CCDC85C: variants seen among roughly 807,000 people sequenced by gnomAD.
CCDC85C encodes the protein coiled-coil domain-containing protein 85C.
Under a neutral mutation model 38.3 loss-of-function variants are expected in CCDC85C, and 18 were observed. The observed-to-expected ratio is 0.47, with a 90% CI of 0.33 to 0.70. CCDC85C has a LOEUF of 0.70. Ranked by LOEUF, CCDC85C falls within the 30% of genes least tolerant of loss-of-function variation. The pLI is 0.03. For synonymous variants in CCDC85C, 264 were observed against 293.8 expected (o/e 0.90, Z 1.04); for missense variants, 566 against 621.2 (o/e 0.91, Z 0.94).
Position 99,522,129 on chromosome 14 carries a change from T to A in CCDC85C, c.975+4A>T. 6.5e-7 allele frequency: 1 copy of A among 1,548,742 alleles called. No individual in the cohort carries two copies. The highest frequency in any genetic ancestry group is 8.7e-7 in the Non-Finnish European group (1 of 1,144,886). On this transcript the variant is annotated splice_donor_region_variant and intron_variant, in intron 3 of 5. Coordinates refer to ENST00000380243, the MANE Select transcript of CCDC85C (RefSeq NM_001144995.2). ...ATGTGGGCTTTTTTGGGGTGCACACTCACGTTCTGCAGGGAGTCCTGGTAG... is the reference window on the plus strand; with the variant it reads ...ATGTGGGCTTTTTTGGGGTGCACACACACGTTCTGCAGGGAGTCCTGGTAG...
chr14:99,587,766 G>A (rs936920591), intron 1 of CCDC85C, among the ~76,000 whole-genome samples: 7 of 152,152 alleles, frequency 4.6e-5, no homozygotes, highest in African/African-American at 7.2e-5. Flanking sequence ...GGACCCCTGT[G>A]CCCCCTTACT....
rs1897004053 is a variant in CCDC85C, at chr14:99,507,471, G to A, written c.*7775C>T. On this transcript the variant is annotated 3_prime_UTR_variant, in exon 6 of 6. Coordinates refer to ENST00000380243, the MANE Select transcript of CCDC85C (RefSeq NM_001144995.2). Reference sequence around the variant, plus strand: ...TCCCAACTACTTAGGAGTCTGAGATGGGAAGATCATTTGAGCCCTGGGCAG... The same window carrying A: ...TCCCAACTACTTAGGAGTCTGAGATAGGAAGATCATTTGAGCCCTGGGCAG... 1 of 296,840 alleles carries A rather than the reference G, an allele frequency of 3.4e-6. No homozygotes were observed. The highest frequency in any genetic ancestry group is 6.5e-6 in the Non-Finnish European group (1 of 154,044). The allele number at this position is 296,840 out of a possible 1,614,324, so 18.4% of individuals were successfully genotyped here.
chr14:99,503,096 TTC>T lies in CCDC85C; in HGVS notation c.*12148_*12149del, dbSNP rs1436960198. 2 of 1,264,150 alleles carry T rather than the reference TTC, an allele frequency of 1.6e-6. No homozygotes were observed. The highest frequency in any genetic ancestry group is 2.9e-5 in the African/African-American group (2 of 68,048). 78.3% of individuals were successfully genotyped at this position (1,264,150 alleles called of 1,614,324 possible). On this transcript the variant is annotated 3_prime_UTR_variant, in exon 6 of 6. Transcript: ENST00000380243. Reference sequence around the variant, plus strand: ...CAGGGAACACCGGAAGCAGGGGGTGTTCGCCGAAACTCGCAGTCCGACTGCTT... The same window carrying T: ...CAGGGAACACCGGAAGCAGGGGGTGTGCCGAAACTCGCAGTCCGACTGCTT...
Position 99,510,779 on chromosome 14 carries a change from A to G in CCDC85C, c.*4467T>C. 1 of 1,440,630 alleles carries G rather than the reference A, an allele frequency of 6.9e-7. No individual in the cohort carries two copies. The highest frequency in any genetic ancestry group is 9.1e-7 in the Non-Finnish European group (1 of 1,098,140). The allele number at this position is 1,440,630 out of a possible 1,614,324, so 89.2% of individuals were successfully genotyped here. On this transcript the variant is annotated 3_prime_UTR_variant, in exon 6 of 6. Transcript: ENST00000380243. ...GGCTGGGGCGGGCAGCCTGGATGAG[A>G]TAACGTGAGCCTTTTTTCCCTCTTT...
At position 99,572,013 on chromosome 14, in the gene CCDC85C, C is replaced by G. The variant is rs1269423532; in HGVS notation, c.793+31154G>C. Among the ~76,000 whole-genome samples, 1 of 152,210 alleles carries G rather than the reference C, an allele frequency of 6.6e-6. No homozygotes were observed. The highest frequency in any genetic ancestry group is 1.5e-5 in the Non-Finnish European group (1 of 68,028). On this transcript the variant is annotated intron_variant, in intron 1 of 5. Coordinates refer to ENST00000380243, the MANE Select transcript of CCDC85C (RefSeq NM_001144995.2). This position sits in a 1 kb window ranked among gnomAD's most constrained non-coding sequence, Gnocchi z 4.4. ...GGCATGTGGGCCAAGGAGCTGGAGA[C>G]TGCCTGCAGCAGGCACCCTTCCACG...
chr14:99,529,360 T>G (rs1477263413), intron 2 of CCDC85C, among the ~76,000 whole-genome samples: 1 of 151,268 alleles, frequency 6.6e-6, no homozygotes, highest in Non-Finnish European at 1.5e-5. Context: ...GTGTGCAGTT[T>G]TGTGTGTGTG....
intron 1 of CCDC85C, among the ~76,000 whole-genome samples, chr14:99,556,971 G>A (rs1566772845): frequency 6.6e-6 from 1 of 150,982 alleles, no homozygotes. Context: ...TTGGCAAATC[G>A]AAATGAATGC....
chr14:99,564,289 G>A (rs978065710), intron 1 of CCDC85C, among the ~76,000 whole-genome samples: 5 of 152,198 alleles, frequency 3.3e-5, no homozygotes, highest in African/African-American at 7.2e-5. Context: ...AAGCACCAGG[G>A]TCTTGCACTC....
At chr14:99,529,638 A>G (rs148427287) in intron 2 of CCDC85C, among the ~76,000 whole-genome samples, 1 of 152,344 alleles carries the variant, frequency 6.6e-6, no homozygotes, top group African/African-American at 2.4e-5. Context: ...TTCTGATCTC[A>G]GGTGACCTGC....
chr14:99,577,963 C>G (rs1050028743), intron 1 of CCDC85C, among the ~76,000 whole-genome samples: 3 of 145,972 alleles, frequency 2.1e-5, no homozygotes, highest in Non-Finnish European at 3.0e-5. Flanking sequence ...TACACCCATA[C>G]AGCCCATCCT....
chr14:99,560,658 G>A (rs772450986), intron 1 of CCDC85C, among the ~76,000 whole-genome samples: 36 of 152,350 alleles, frequency 2.4e-4, no homozygotes, highest in African/African-American at 8.2e-4. Flanking sequence ...GGCTGTGCTC[G>A]CTGGGCCCGG....
chr14:99,554,430 C>T (rs543285385), intron 1 of CCDC85C, among the ~76,000 whole-genome samples: 2 of 152,378 alleles, frequency 1.3e-5, no homozygotes, highest in African/African-American at 2.4e-5. Context: ...GCATGTCCCT[C>T]TGCAGGCTCC....
intron 2 of CCDC85C, chr14:99,534,846 A>G: frequency 1.6e-6 from 1 of 628,836 alleles, no homozygotes. Flanking sequence ...ACAGCAAGGC[A>G]TGAAATTACA....
intron 1 of CCDC85C, among the ~76,000 whole-genome samples, chr14:99,571,081 G>C (rs2400752): frequency 0.52 from 79,545 of 151,752 alleles, 20,886 homozygotes; most frequent in South Asian, 0.59. Flanking sequence ...ACCTGCCAGG[G>C]ACACTCCCTC....
intron 1 of CCDC85C, among the ~76,000 whole-genome samples, chr14:99,573,430 G>C (rs570920072): frequency 6.6e-6 from 1 of 152,200 alleles, no homozygotes. Flanking sequence ...ATGGAAGCAG[G>C]GAACCCTCAG....
chr14:99,503,726 C>A lies in CCDC85C; in HGVS notation c.*11520G>T. 1 of 1,264,726 alleles carries A rather than the reference C, an allele frequency of 7.9e-7. No homozygotes were observed. Among genetic ancestry groups the A allele is most frequent in the Non-Finnish European group, 1.1e-6 (1 of 900,474 alleles). 78.3% of individuals were successfully genotyped at this position (1,264,726 alleles called of 1,614,324 possible). A position where few individuals can be genotyped will look rare whatever the true frequency, so the allele number is the denominator to read the frequency against. ...ATTCTTAGCCAACATTGTTTCTTTT[C>A]AGATCTAAATTGGCCTTAAATCTTA... On this transcript the variant is annotated 3_prime_UTR_variant, in exon 6 of 6. Transcript: ENST00000380243.
intron 1 of CCDC85C, among the ~76,000 whole-genome samples, chr14:99,577,072 G>A (rs1053945444): frequency 1.3e-4 from 20 of 151,984 alleles, no homozygotes; most frequent in African/African-American, 4.6e-4. Flanking sequence ...GTTGCGGAAC[G>A]GGGCTGCATG....
rs2139890761 is a variant in CCDC85C, at chr14:99,512,082, T to C, written c.*3164A>G. 6.6e-6 allele frequency: 1 copy of C among 152,380 alleles called. No homozygotes were observed. Among genetic ancestry groups the C allele is most frequent in the African/African-American group, 2.4e-5 (1 of 41,592 alleles). The allele number at this position is 152,380 out of a possible 1,614,324, so 9.4% of individuals were successfully genotyped here. A position where few individuals can be genotyped will look rare whatever the true frequency, so the allele number is the denominator to read the frequency against. On this transcript the variant is annotated 3_prime_UTR_variant, in exon 6 of 6. Coordinates refer to ENST00000380243, the MANE Select transcript of CCDC85C (RefSeq NM_001144995.2). Reference sequence around the variant, plus strand: ...TTTATCTAGCTCAAAGTAGACACTATCACAATCTTGTTTGTTACTCCTTTT... The same window carrying C: ...TTTATCTAGCTCAAAGTAGACACTACCACAATCTTGTTTGTTACTCCTTTT...
At chr14:99,526,651 C>T (rs547256272) in intron 2 of CCDC85C, among the ~76,000 whole-genome samples, 5 of 152,280 alleles carry the variant, frequency 3.3e-5, no homozygotes, top group African/African-American at 4.8e-5. Context: ...CAAGACCTGG[C>T]GACCTCCCTC....
Sources: gnomAD v4.1 joint callset for allele counts (sites outside exome capture counted in the v4.1 genomes callset) on GRCh38, gnomAD v4.1.1 for gene constraint, Gnocchi (gnomAD v3.1) non-coding constraint, MANE v1.5 for transcripts, NCBI Gene and HGNC (gene_info 2026-07-23, HGNC 2026-07-21) for gene names.